C22orf31: variants seen among roughly 807,000 people sequenced by gnomAD.
The protein encoded by C22orf31 is chromosome 22 open reading frame 31, also known as uncharacterized protein C22orf31.
C22orf31 carries 11 observed loss-of-function variants against 15.0 expected under a neutral mutation model. The observed-to-expected ratio is 0.73, with a 90% CI of 0.46 to 1.21. The LOEUF (loss-of-function observed/expected upper bound fraction) is 1.21, where lower values mean the gene tolerates loss of function less well. Among genes scored for constraint, C22orf31 ranks in the 50% most tolerant of loss-of-function variants. The probability of loss-of-function intolerance (pLI) is 0.00; values close to 1 mark genes in which losing one functional copy is unlikely to be tolerated. For synonymous variants in C22orf31, 132 were observed against 133.3 expected (o/e 0.99, Z 0.07); for missense variants, 340 against 347.2 (o/e 0.98, Z 0.17).
upstream of C22orf31, among the ~76,000 whole-genome samples, chr22:29,062,173 A>G (rs544181834): frequency 6.6e-6 from 1 of 152,260 alleles, no homozygotes; most frequent in South Asian, 2.1e-4. Flanking sequence ...GAAGATCTTC[A>G]TGTTCTTAAG....
At chr22:29,064,075 C>T (rs944461912), upstream of C22orf31, among the ~76,000 whole-genome samples, 1 of 152,142 alleles carries the variant, frequency 6.6e-6, no homozygotes, top group Admixed American at 6.5e-5. Flanking sequence ...ACCATGTTGG[C>T]CAGGCTAGTC....
chr22:29,060,987 C>T lies in C22orf31; in HGVS notation c.4-144G>A. The T allele has an allele frequency of 7.4e-6, 5 of 675,346 alleles. No individual in the cohort carries two copies. The South Asian group carries it at 7.7e-5, about 10-fold the overall frequency. 41.8% of individuals were successfully genotyped at this position (675,346 alleles called of 1,614,324 possible). A position where few individuals can be genotyped will look rare whatever the true frequency, so the allele number is the denominator to read the frequency against. On this transcript the variant is annotated intron_variant, in intron 1 of 2. Transcript: ENST00000216071. ...TTCTTAGAAATTTACTATATGTCCT[C>T]TCCTGTTCACCAAAGCCTTTTATAC...
the C22orf31 span, among the ~76,000 whole-genome samples, chr22:29,072,133 T>G: frequency 6.6e-6 from 1 of 151,828 alleles, no homozygotes; most frequent in African/African-American, 2.4e-5. Context: ...GCTTTCGTTT[T>G]GGTTTTTTTT....
chr22:29,070,081 G>A, the C22orf31 span, among the ~76,000 whole-genome samples: 3 of 151,736 alleles, frequency 2.0e-5, no homozygotes, highest in Non-Finnish European at 2.9e-5. Context: ...GAGTAGCTGG[G>A]ATTACAGGCA....
upstream of C22orf31, among the ~76,000 whole-genome samples, chr22:29,063,864 C>CTTGTTT (rs1009100012): frequency 2.0e-5 from 3 of 152,078 alleles, no homozygotes; most frequent in Admixed American, 6.6e-5. Flanking sequence ...CTATACTGCC[C>CTTGTTT]TTGTTTTTGT....
the C22orf31 span, among the ~76,000 whole-genome samples, chr22:29,072,011 G>A: frequency 6.6e-5 from 10 of 152,230 alleles, no homozygotes; most frequent in African/African-American, 2.4e-4. Flanking sequence ...GGTTGAAACT[G>A]GCTATGTGAT....
the C22orf31 span, among the ~76,000 whole-genome samples, chr22:29,071,785 A>G: frequency 2.6e-5 from 4 of 152,278 alleles, no homozygotes; most frequent in Non-Finnish European, 5.9e-5. Flanking sequence ...GGAGGCGGGC[A>G]AAGGGCCTAC....
chr22:29,066,801 T>G (rs1269373851), upstream of C22orf31, among the ~76,000 whole-genome samples: 2 of 152,016 alleles, frequency 1.3e-5, no homozygotes, highest in Non-Finnish European at 2.9e-5. Flanking sequence ...CCTCAGGTGA[T>G]CCACCTGCCT....
intron 1 of C22orf31, among the ~76,000 whole-genome samples, chr22:29,061,585 C>T (rs1244328503): frequency 6.6e-6 from 1 of 152,104 alleles, no homozygotes; most frequent in African/African-American, 2.4e-5. Context: ...TTCTAACCAA[C>T]TGCCATGCAC....
upstream of C22orf31, chr22:29,061,857 T>C (rs2037395469): frequency 1.5e-6 from 2 of 1,295,162 alleles, no homozygotes; most frequent in Non-Finnish European, 2.2e-6. Flanking sequence ...TATTTTCTCT[T>C]TCCTTTTTCT....
At chr22:29,066,391 T>C (rs2037429564), upstream of C22orf31, among the ~76,000 whole-genome samples, 1 of 152,152 alleles carries the variant, frequency 6.6e-6, no homozygotes, top group South Asian at 2.1e-4. Flanking sequence ...GGACCAATGA[T>C]TTGGACCACA....
At chr22:29,060,267 A>G (rs2037374292) in intron 2 of C22orf31, 148 bp downstream of exon 2, 2 of 730,020 alleles carry the variant, frequency 2.7e-6, no homozygotes, top group Non-Finnish European at 4.5e-6. Context: ...CTCTGAGCTC[A>G]AGTGATCCTC....
In C22orf31 at chr22:29,060,517, A is replaced by G; in HGVS notation, c.330T>C (p.Asp110=). Reference sequence around the variant, plus strand: ...CCTGCTGGGTGGCTTTCATCACTGAATCGTCCTTGTGCTTTAATCTCTTCG... The same window carrying G: ...CCTGCTGGGTGGCTTTCATCACTGAGTCGTCCTTGTGCTTTAATCTCTTCG... ...KLSKRLKHKD[D]SVMKATQQAR... Residue 110 remains aspartate (D), a synonymous_variant, in exon 2 of 3, where the codon GAT becomes GAC. Transcript: ENST00000216071. The G allele has an allele frequency of 6.2e-7, 1 of 1,614,010 alleles. No homozygotes were observed. Among genetic ancestry groups the G allele is most frequent in the Non-Finnish European group, 8.5e-7 (1 of 1,179,982 alleles).
At chr22:29,063,157 T>G (rs2037407104), upstream of C22orf31, among the ~76,000 whole-genome samples, 1 of 152,164 alleles carries the variant, frequency 6.6e-6, no homozygotes, top group African/African-American at 2.4e-5. Context: ...TTTACTCTGC[T>G]AGGTCTTTTA....
At chr22:29,065,074 C>T (rs1287154496), upstream of C22orf31, among the ~76,000 whole-genome samples, 1 of 151,934 alleles carries the variant, frequency 6.6e-6, no homozygotes, top group Non-Finnish European at 1.5e-5. Context: ...AGGCTGGTCT[C>T]GAACTCCTGA....
the C22orf31 span, chr22:29,073,303 G>A: frequency 1.9e-6 from 1 of 532,406 alleles, no homozygotes; most frequent in Non-Finnish European, 2.6e-6. This position sits in a 1 kb window ranked among gnomAD's most constrained non-coding sequence, Gnocchi z 4.4. Context: ...GCCGGCCTGA[G>A]AGCCCCCTCC....
chr22:29,067,075 C>T, the C22orf31 span, among the ~76,000 whole-genome samples: 1 of 152,150 alleles, frequency 6.6e-6, no homozygotes. Context: ...TACAGTGCAG[C>T]CTCAAACCCG....
chr22:29,068,692 A>C, the C22orf31 span, among the ~76,000 whole-genome samples: 4 of 148,672 alleles, frequency 2.7e-5, no homozygotes, highest in Non-Finnish European at 6.0e-5. Context: ...TTACAGGCGT[A>C]AGCCACCGTG....
chr22:29,065,952 A>G (rs1006073496), upstream of C22orf31, among the ~76,000 whole-genome samples: 3 of 152,148 alleles, frequency 2.0e-5, no homozygotes, highest in African/African-American at 7.2e-5. Context: ...GCTTCCTGAC[A>G]TATCTAAACC....
Sources: allele counts gnomAD v4.1 joint callset (sites outside exome capture counted in the v4.1 genomes callset), GRCh38; gene constraint gnomAD v4.1.1; non-coding constraint Gnocchi (gnomAD v3.1); transcripts MANE v1.5; gene names NCBI Gene and HGNC (gene_info 2026-07-23, HGNC 2026-07-21).